The following NARS2 variants were observed in gnomAD, a reference collection of about 807,000 sequenced individuals.
NARS2 encodes the protein asparaginyl-tRNA synthetase 2, mitochondrial, also known as asparaginyl-tRNA synthetase.
NARS2 carries 60 observed loss-of-function variants against 62.9 expected under a neutral mutation model. That is an observed-to-expected ratio of 0.95 (90% confidence interval 0.77 to 1.18). NARS2 has a LOEUF of 1.18. Among genes scored for constraint, NARS2 ranks in the 50% most tolerant of loss-of-function variants. The pLI is 0.00. For synonymous variants in NARS2, 196 were observed against 200.0 expected, an observed-to-expected ratio of 0.98 and a Z score of 0.17; for missense variants, 619 against 576.4, an observed-to-expected ratio of 1.07 and a Z score of -0.76.
At chr11:78,516,096 A>G (rs1015351130) in intron 6 of NARS2, among the ~76,000 whole-genome samples, 1 of 152,250 alleles carries the variant, frequency 6.6e-6, no homozygotes, top group African/African-American at 2.4e-5. Flanking sequence ...AGTATTTGGA[A>G]GTTGATAAAG....
intron 6 of NARS2, among the ~76,000 whole-genome samples, chr11:78,518,417 G>A (rs541239178): frequency 7.2e-5 from 11 of 152,322 alleles, no homozygotes; most frequent in Non-Finnish European, 1.5e-4. Context: ...TAGTGATTAT[G>A]AGGACATGGA....
intron 6 of NARS2, among the ~76,000 whole-genome samples, chr11:78,495,414 C>T (rs1761546376): frequency 6.6e-6 from 1 of 152,148 alleles, no homozygotes; most frequent in South Asian, 2.1e-4. Context: ...CCTTACCATT[C>T]CCCCAAGTTT....
intron 10 of NARS2, among the ~76,000 whole-genome samples, chr11:78,468,499 G>C (rs1858728426): frequency 1.3e-5 from 2 of 150,434 alleles, no homozygotes; most frequent in Non-Finnish European, 3.0e-5. Context: ...CTGCCCCCCG[G>C]GTTCATGCCA....
chr11:78,471,708 C>T (rs1057044018), intron 9 of NARS2, among the ~76,000 whole-genome samples: 1 of 138,748 alleles, frequency 7.2e-6, no homozygotes, highest in Non-Finnish European at 1.5e-5. Flanking sequence ...CCACAGTCCC[C>T]AGAGTGTGAT....
chr11:78,489,304 C>T (rs1364546445), intron 7 of NARS2, among the ~76,000 whole-genome samples: 8 of 152,078 alleles, frequency 5.3e-5, no homozygotes, highest in Non-Finnish European at 8.8e-5. Flanking sequence ...CAGGAGATGA[C>T]ATATAGATGG....
At chr11:78,487,651 C>A (rs1042270243) in intron 7 of NARS2, among the ~76,000 whole-genome samples, 2 of 152,054 alleles carry the variant, frequency 1.3e-5, no homozygotes, top group Non-Finnish European at 2.9e-5. Flanking sequence ...CTAGACATAT[C>A]ATAATCCATG....
chr11:78,495,315 T>C (rs946081087), intron 6 of NARS2, among the ~76,000 whole-genome samples: 4 of 152,084 alleles, frequency 2.6e-5, no homozygotes, highest in Non-Finnish European at 2.9e-5. Flanking sequence ...CTACCCTGTA[T>C]TGCCTCCTCC....
intron 6 of NARS2, among the ~76,000 whole-genome samples, chr11:78,511,702 G>A (rs1465641070): frequency 1.4e-5 from 2 of 146,522 alleles, no homozygotes; most frequent in Admixed American, 6.9e-5. Context: ...GGGTGACAGA[G>A]CGAGACTCCG....
At chr11:78,453,429 C>A (rs1185254471) in intron 11 of NARS2, among the ~76,000 whole-genome samples, 1 of 151,838 alleles carries the variant, frequency 6.6e-6, no homozygotes, top group Non-Finnish European at 1.5e-5. Context: ...AATCAATGCA[C>A]TGAAAATAAA....
intron 11 of NARS2, among the ~76,000 whole-genome samples, chr11:78,449,438 A>T (rs1857885531): frequency 6.6e-6 from 1 of 151,964 alleles, no homozygotes; most frequent in South Asian, 2.1e-4. Context: ...CGCCTGGCCA[A>T]GTCACCTTAA....
chr11:78,527,779 A>G (rs892416703), intron 6 of NARS2, among the ~76,000 whole-genome samples: 2 of 152,202 alleles, frequency 1.3e-5, no homozygotes, highest in African/African-American at 4.8e-5. Context: ...AAAGATACAT[A>G]AAGAAAACTC....
chr11:78,480,619 T>TAA (rs10623671), intron 7 of NARS2, among the ~76,000 whole-genome samples: 33,914 of 124,630 alleles, frequency 0.27, 4,421 homozygotes, highest in East Asian at 0.45. Flanking sequence ...TCTAATTAAG[T>TAA]AAAAAAAAAA....
At chr11:78,451,518 A>G (rs538706214) in intron 11 of NARS2, among the ~76,000 whole-genome samples, 1 of 152,348 alleles carries the variant, frequency 6.6e-6, no homozygotes, top group African/African-American at 2.4e-5. Context: ...GTTGGAAACA[A>G]GAAAGTTGGC....
intron 5 of NARS2, among the ~76,000 whole-genome samples, chr11:78,555,545 T>C (rs1856320259): frequency 6.6e-6 from 1 of 152,182 alleles, no homozygotes. Context: ...ACATTCCCTT[T>C]GTCATTTCCA....
chr11:78,492,603 T>C (rs7927672), intron 7 of NARS2, among the ~76,000 whole-genome samples: 4 of 152,206 alleles, frequency 2.6e-5, no homozygotes, highest in African/African-American at 9.6e-5. Flanking sequence ...CTTTCTAATA[T>C]AGCTACATAG....
chr11:78,483,141 CAT>C (rs1463723367), intron 7 of NARS2, among the ~76,000 whole-genome samples: 5 of 152,274 alleles, frequency 3.3e-5, no homozygotes, highest in East Asian at 1.9e-4. Flanking sequence ...ACAAAAACCA[CAT>C]GATTACCTCA....
intron 5 of NARS2, among the ~76,000 whole-genome samples, chr11:78,548,724 C>T (rs1231545795): frequency 1.3e-5 from 2 of 152,028 alleles, no homozygotes; most frequent in African/African-American, 4.8e-5. Context: ...TTTTCCTCCT[C>T]CCTTCTGACA....
At chr11:78,449,490 A>AC (rs1555010033) in intron 11 of NARS2, among the ~76,000 whole-genome samples, 1 of 151,180 alleles carries the variant, frequency 6.6e-6, no homozygotes, top group Admixed American at 6.6e-5. Flanking sequence ...AAAAAAAAAA[A>AC]TTTTTTTTTC....
chr11:78,499,934 C>T (rs1442220386), intron 6 of NARS2, among the ~76,000 whole-genome samples: 7 of 152,272 alleles, frequency 4.6e-5, no homozygotes, highest in South Asian at 4.1e-4. Flanking sequence ...GGCACTTACT[C>T]GTGTCGAAAT....
Sources: allele counts gnomAD v4.1 joint callset (sites outside exome capture counted in the v4.1 genomes callset), GRCh38; gene constraint gnomAD v4.1.1; transcripts MANE v1.5; gene names NCBI Gene and HGNC (gene_info 2026-07-23, HGNC 2026-07-21).